The following PBX1 variants were observed in gnomAD, a reference collection of about 807,000 sequenced individuals.
The protein encoded by PBX1 is PBX homeobox 1, also known as pre-B-cell leukemia transcription factor 1.
Under a neutral mutation model 53.4 loss-of-function variants are expected in PBX1, and 6 were observed. That is an observed-to-expected ratio of 0.11 (90% confidence interval 0.06 to 0.22). PBX1 has a LOEUF of 0.22. PBX1 is among the 10% of genes least tolerant of loss of function. The pLI is 1.00. For missense variants in PBX1, 251 were observed against 551.4 expected (o/e 0.46, Z 5.46); for synonymous variants, 204 against 212.3 (o/e 0.96, Z 0.34).
At chr1:164,740,132 G>A (rs972768709) in intron 2 of PBX1, among the ~76,000 whole-genome samples, 12 of 152,124 alleles carry the variant, frequency 7.9e-5, no homozygotes, top group Admixed American at 6.5e-4. Context: ...AAGAACTAAC[G>A]CTAGGAACAC....
At chr1:164,760,837 A>G (rs1434275294) in intron 2 of PBX1, among the ~76,000 whole-genome samples, 1 of 152,236 alleles carries the variant, frequency 6.6e-6, no homozygotes, top group African/African-American at 2.4e-5. Flanking sequence ...CTTGATGGGT[A>G]AGAATTTCTC....
At chr1:164,739,644 CT>C (rs540820599) in intron 2 of PBX1, among the ~76,000 whole-genome samples, 82 of 152,136 alleles carry the variant, frequency 5.4e-4, no homozygotes, top group African/African-American at 1.9e-3. Context: ...GATGATTATA[CT>C]TTTTCCCCCT....
At chr1:164,560,605 G>A (rs1205934420) in intron 1 of PBX1, among the ~76,000 whole-genome samples, 1 of 151,958 alleles carries the variant, frequency 6.6e-6, no homozygotes, top group Non-Finnish European at 1.5e-5. Context: ...TTCTTTGTCA[G>A]TACTTGTCAG....
intron 8 of PBX1, among the ~76,000 whole-genome samples, chr1:164,843,340 T>G (rs1049111565): frequency 6.6e-6 from 1 of 152,178 alleles, no homozygotes; most frequent in African/African-American, 2.4e-5. Context: ...TAGGCTACAA[T>G]GTCCTAAATT....
intron 2 of PBX1, among the ~76,000 whole-genome samples, chr1:164,782,191 A>T (rs1037525725): frequency 6.6e-6 from 1 of 152,088 alleles, no homozygotes; most frequent in Admixed American, 6.6e-5. Flanking sequence ...AGCCCAGCTC[A>T]TGGGCCGGGG....
chr1:164,559,575 A>G lies in PBX1; in HGVS notation c.-248A>G, dbSNP rs1428581091. 5.0e-6 allele frequency: 2 copies of G among 402,200 alleles called. No individual in the cohort carries two copies. The highest frequency in any genetic ancestry group is 8.7e-6 in the Non-Finnish European group (2 of 229,164). The allele number at this position is 402,200 out of a possible 1,614,324, so 24.9% of individuals were successfully genotyped here. ...TTTGGAGTCAACACCCTTCCCCACCAGCCCTTATCCCCACCCTCACCCCGC... is the reference window on the plus strand; with the variant it reads ...TTTGGAGTCAACACCCTTCCCCACCGGCCCTTATCCCCACCCTCACCCCGC... On this transcript the variant is annotated 5_prime_UTR_variant, in exon 1 of 9. Transcript: ENST00000420696.
chr1:164,754,811 A>C (rs532594951), intron 2 of PBX1, among the ~76,000 whole-genome samples: 1 of 152,146 alleles, frequency 6.6e-6, no homozygotes, highest in Non-Finnish European at 1.5e-5. Flanking sequence ...CTGAAGTTTA[A>C]CTTACCTAGA....
intron 2 of PBX1, among the ~76,000 whole-genome samples, chr1:164,666,601 A>G (rs1660823700): frequency 6.6e-6 from 1 of 152,166 alleles, no homozygotes; most frequent in Non-Finnish European, 1.5e-5. Context: ...TTGCTATTTT[A>G]GTAATGGAAA....
At chr1:164,862,113 A>G (rs1331227322) in intron 2 of PBX1, among the ~76,000 whole-genome samples, 2 of 152,226 alleles carry the variant, frequency 1.3e-5, no homozygotes, top group Non-Finnish European at 2.9e-5. Context: ...TGAATAGACC[A>G]CAGGGAAGCA....
At chr1:164,580,990 G>GTCCAGCAT (rs1654576450) in intron 2 of PBX1, among the ~76,000 whole-genome samples, 1 of 152,168 alleles carries the variant, frequency 6.6e-6, no homozygotes, top group South Asian at 2.1e-4. Context: ...CTTCTCAGAA[G>GTCCAGCAT]TCCAGCATTT....
intron 2 of PBX1, among the ~76,000 whole-genome samples, chr1:164,588,762 G>A (rs1021029219): frequency 6.6e-6 from 1 of 152,026 alleles, no homozygotes; most frequent in African/African-American, 2.4e-5. Context: ...CACAGCATGG[G>A]CCCAACAGCC....
At chr1:164,575,284 A>G (rs905459024) in intron 2 of PBX1, among the ~76,000 whole-genome samples, 1 of 152,210 alleles carries the variant, frequency 6.6e-6, no homozygotes, top group Non-Finnish European at 1.5e-5. Flanking sequence ...AAATACTGAA[A>G]TAATTTCTGT....
intron 2 of PBX1, among the ~76,000 whole-genome samples, chr1:164,580,099 C>A (rs964812125): frequency 6.6e-6 from 1 of 152,114 alleles, no homozygotes; most frequent in Non-Finnish European, 1.5e-5. Flanking sequence ...ACTTGGTTGT[C>A]CAAATAACAA....
chr1:164,870,285 C>CTT (rs760153733), intron 2 of PBX1, among the ~76,000 whole-genome samples: 25 of 26,600 alleles, frequency 9.4e-4, no homozygotes, highest in Admixed American at 2.4e-3. Flanking sequence ...TTCTTTCTTT[C>CTT]TTTCTTTCTT....
At chr1:164,818,790 G>C (rs1389108719) in intron 6 of PBX1, 3 of 149,436 alleles carry the variant, frequency 2.0e-5, no homozygotes, top group African/African-American at 7.5e-5. Context: ...TTCATCATTT[G>C]TTAAGTGGTC....
At chr1:164,880,877 T>A (rs1021693953) in intron 2 of PBX1, among the ~76,000 whole-genome samples, 2 of 152,172 alleles carry the variant, frequency 1.3e-5, no homozygotes, top group African/African-American at 4.8e-5. Context: ...ATAAGGACAG[T>A]TTGGAAAAGG....
chr1:164,831,437 G>A (rs1023427930), intron 8 of PBX1: 3 of 151,940 alleles, frequency 2.0e-5, no homozygotes, highest in African/African-American at 7.3e-5. Flanking sequence ...CACCCAGGTT[G>A]GAGTGCAGTG....
chr1:164,559,758 TG>T lies in PBX1; in HGVS notation c.-64del, dbSNP rs1325360427. ...AAGCTTGAAGGATAAAAAGCCTTGG[TG>T]CTTCCCAGGAGCCGAGCCGAGGAGC... On this transcript the variant is annotated 5_prime_UTR_variant, in exon 1 of 9. Transcript: ENST00000420696. 1 of 1,289,364 alleles carries T rather than the reference TG, an allele frequency of 7.8e-7. No individual in the cohort carries two copies. The highest frequency in any genetic ancestry group is 1.1e-6 in the Non-Finnish European group (1 of 946,864). 79.9% of individuals were successfully genotyped at this position (1,289,364 alleles called of 1,614,324 possible). A position where few individuals can be genotyped will look rare whatever the true frequency, so the allele number is the denominator to read the frequency against.
At position 164,800,679 on chromosome 1, in the gene PBX1, T is replaced by C. The variant is rs932857503; in HGVS notation, c.701+790T>C. ...AAGATAGTAATAGTCGTCATATCTT[T>C]CATCTACTCTAGAAGAATATTTTGA... On this transcript the variant is annotated intron_variant, in intron 4 of 8. Coordinates refer to ENST00000420696, the MANE Select transcript of PBX1 (RefSeq NM_002585.4). 2.6e-5 allele frequency among the ~76,000 whole-genome samples: 4 copies of C among 152,356 alleles called. No individual in the cohort carries two copies. In the East Asian group the frequency reaches 5.8e-4, roughly 22 times the overall value.
Sources: allele counts gnomAD v4.1 joint callset (sites outside exome capture counted in the v4.1 genomes callset), GRCh38; gene constraint gnomAD v4.1.1; transcripts MANE v1.5; gene names NCBI Gene and HGNC (gene_info 2026-07-23, HGNC 2026-07-21).